Variants in PTPRF observed in about 807,000 individuals in gnomAD.
The protein encoded by PTPRF is protein tyrosine phosphatase receptor type F.
In PTPRF, 59 loss-of-function variants were observed where a neutral mutation model predicts 201.8. The ratio of observed to expected loss-of-function variants is 0.29; its 90% CI spans 0.24 to 0.36. The LOEUF is 0.36. PTPRF is among the 10% of genes least tolerant of loss of function. PTPRF has a pLI of 1.00. For synonymous variants in PTPRF, 1,088 were observed against 1,089.7 expected, an observed-to-expected ratio of 1.00 and a Z score of 0.03; for missense variants, 2,132 against 2,690.5, an observed-to-expected ratio of 0.79 and a Z score of 4.59.
chr1:43,572,393 GC>G (rs1646635124), intron 6 of PTPRF, among the ~76,000 whole-genome samples: 1 of 152,180 alleles, frequency 6.6e-6, no homozygotes, highest in African/African-American at 2.4e-5. Flanking sequence ...TTGTCTTCCT[GC>G]CACCTGGAAG....
intron 13 of PTPRF, among the ~76,000 whole-genome samples, chr1:43,599,199 C>A (rs1183410894): frequency 6.6e-6 from 1 of 152,130 alleles, no homozygotes; most frequent in African/African-American, 2.4e-5. Flanking sequence ...CCTCAGCCTC[C>A]CGAGTAGCTG....
chr1:43,618,849 T>C, intron 26 of PTPRF, 100 bp downstream of exon 26: 1 of 1,524,254 alleles, frequency 6.6e-7, no homozygotes. Flanking sequence ...GCCTGGGTGT[T>C]GGAGGGTCGG....
intron 3 of PTPRF, among the ~76,000 whole-genome samples, chr1:43,548,125 G>A (rs1413294895): frequency 6.9e-6 from 1 of 145,314 alleles, no homozygotes; most frequent in Non-Finnish European, 1.5e-5. Context: ...CTAATGGGGG[G>A]GTATTGCATA....
chr1:43,540,935 C>T (rs1008772992), intron 2 of PTPRF, among the ~76,000 whole-genome samples: 1 of 152,262 alleles, frequency 6.6e-6, no homozygotes, highest in African/African-American at 2.4e-5. Flanking sequence ...TATAACAAGG[C>T]CTGTTTCCGC....
chr1:43,603,415 G>A lies in PTPRF; in HGVS notation c.2341-1G>A, dbSNP rs112361041. 1 of 1,613,726 alleles carries A rather than the reference G, an allele frequency of 6.2e-7. No homozygotes were observed. Among genetic ancestry groups the A allele is most frequent in the African/African-American group, 1.3e-5 (1 of 75,006 alleles). ...GGAACGAACCCCTCCTCCTCCCTCA[G>A]GAAACCACTATCAGCGGCCTGACCC... On this transcript the variant is annotated splice_acceptor_variant, in intron 14 of 33. Transcript: ENST00000359947. LOFTEE classifies it high-confidence loss of function. This position sits in a 1 kb window ranked among gnomAD's most constrained non-coding sequence, Gnocchi z 5.8.
intron 8 of PTPRF, among the ~76,000 whole-genome samples, chr1:43,589,274 C>G (rs550471106): frequency 2.6e-5 from 4 of 151,754 alleles, no homozygotes; most frequent in Middle Eastern, 3.2e-3. Context: ...TCTGTTTTAC[C>G]CTGGGAGATA....
At chr1:43,577,638 G>T (rs1213392571) in intron 6 of PTPRF, among the ~76,000 whole-genome samples, 4 of 152,098 alleles carry the variant, frequency 2.6e-5, no homozygotes, top group African/African-American at 9.7e-5. Flanking sequence ...CTCCTGTCCA[G>T]TCCAGGCAGG....
rs528655646 is a variant in PTPRF at position 43,588,499 on chromosome 1, T to C, written c.680-232T>C. Among the ~76,000 whole-genome samples, 1 of 152,298 alleles carries C rather than the reference T, an allele frequency of 6.6e-6. No individual in the cohort carries two copies. Among genetic ancestry groups the C allele is most frequent in the South Asian group, 2.1e-4 (1 of 4,828 alleles). On this transcript the variant is annotated intron_variant, in intron 7 of 33. Coordinates refer to ENST00000359947, the MANE Select transcript of PTPRF (RefSeq NM_002840.5). This position sits in a 1 kb window ranked among gnomAD's most constrained non-coding sequence, Gnocchi z 5.3. Reference sequence around the variant, plus strand: ...GGGAGCTTGGTTGCAAGATCTCTCATTGAGTAAGTCATCGTGCTCCAGACA... The same window carrying C: ...GGGAGCTTGGTTGCAAGATCTCTCACTGAGTAAGTCATCGTGCTCCAGACA...
intron 3 of PTPRF, among the ~76,000 whole-genome samples, chr1:43,549,689 AC>A (rs1270184890): frequency 6.6e-5 from 10 of 152,094 alleles, no homozygotes; most frequent in African/African-American, 2.4e-4. Flanking sequence ...CCCTGTCTTT[AC>A]CAAAAATACA....
chr1:43,530,424 TAA>T (rs1643335839), upstream of PTPRF, among the ~76,000 whole-genome samples: 1 of 151,990 alleles, frequency 6.6e-6, no homozygotes, highest in African/African-American at 2.4e-5. The surrounding 1 kb of genome is among the most constrained non-coding windows in gnomAD (Gnocchi z 4.1). Context: ...GTAGAAGTAA[TAA>T]AGAGATTTAG....
intron 7 of PTPRF, among the ~76,000 whole-genome samples, chr1:43,586,298 G>A (rs955065124): frequency 4.6e-5 from 7 of 152,146 alleles, no homozygotes; most frequent in Admixed American, 1.3e-4. Flanking sequence ...CCCCCACCCC[G>A]CTTCTGTGGC....
intron 1 of PTPRF, among the ~76,000 whole-genome samples, chr1:43,534,634 G>T (rs1256204338): frequency 1.3e-5 from 2 of 152,090 alleles, no homozygotes; most frequent in African/African-American, 2.4e-5. Context: ...TGGACATGTG[G>T]CCCTTGAGGT....
At chr1:43,595,789 C>T (rs1416859943) in intron 11 of PTPRF, among the ~76,000 whole-genome samples, 1 of 152,040 alleles carries the variant, frequency 6.6e-6, no homozygotes, top group Non-Finnish European at 1.5e-5. Flanking sequence ...GCTGTGAAAG[C>T]CTGGTCTTCT....
rs1180934584 is a variant in PTPRF, at chr1:43,537,526, G to T, written c.-125-672G>T. Among the ~76,000 whole-genome samples the T allele has an allele frequency of 6.6e-6, 1 of 152,208 alleles. No individual in the cohort carries two copies. The highest frequency in any genetic ancestry group is 1.5e-5 in the Non-Finnish European group (1 of 68,048). ...CGCTGGGGATACGGAAATGAGCTGG[G>T]CAGCCACAGTCCATGCTCCTATCAA... On this transcript the variant is annotated intron_variant, in intron 1 of 33. Transcript: ENST00000359947. The surrounding 1 kb of genome is among the most constrained non-coding windows in gnomAD (Gnocchi z 4.8).
rs930193738 is a variant in PTPRF, at chr1:43,603,108, T to A, written c.2341-308T>A. Among the ~76,000 whole-genome samples the A allele has an allele frequency of 1.3e-5, 2 of 152,170 alleles. No individual in the cohort carries two copies. The highest frequency in any genetic ancestry group is 2.9e-5 in the Non-Finnish European group (2 of 68,002). On this transcript the variant is annotated intron_variant, in intron 14 of 33. Transcript: ENST00000359947. The surrounding 1 kb of genome is among the most constrained non-coding windows in gnomAD (Gnocchi z 5.8). ...CGTGCGAGGCTGTGCCCTGTTGATA[T>A]CCTCAGTCTCCGTTCACAGCACAGT...
chr1:43,554,742 CG>C lies in PTPRF; in HGVS notation c.379+806del, dbSNP rs559300285. On this transcript the variant is annotated intron_variant, in intron 5 of 33. Coordinates refer to ENST00000359947, the MANE Select transcript of PTPRF (RefSeq NM_002840.5). This position sits in a 1 kb window ranked among gnomAD's most constrained non-coding sequence, Gnocchi z 4.1. Reference sequence around the variant, plus strand: ...GGGACATAGGAAGCCACAAACAAGGCGGGGGTGACATGATCAGACCCCAGCC... The same window carrying C: ...GGGACATAGGAAGCCACAAACAAGGCGGGGTGACATGATCAGACCCCAGCC... Among the ~76,000 whole-genome samples the C allele has an allele frequency of 2.0e-5, 3 of 152,202 alleles. No individual in the cohort carries two copies. Among genetic ancestry groups the C allele is most frequent in the African/African-American group, 7.2e-5 (3 of 41,520 alleles).
rs767714096 is a variant in PTPRF at position 43,619,348 on chromosome 1, G to A, written c.4707G>A (p.Lys1569=). The change falls in exon 28 of 34, where the codon AAG becomes AAA. Residue 1569 remains lysine (K), a synonymous_variant. Coordinates refer to ENST00000359947, the MANE Select transcript of PTPRF (RefSeq NM_002840.5). ...IVIDAMLERM[K]HEKTVDIYGH... is the part of the protein sequence containing the mutation. ...TTGATGCCATGTTGGAGCGGATGAA[G>A]CACGAGAAGACGGTGGACATCTATG... is the stretch of plus-strand genomic sequence containing the variant. 1.2e-6 allele frequency: 2 copies of A among 1,613,994 alleles called. No individual in the cohort carries two copies. Among genetic ancestry groups the A allele is most frequent in the Non-Finnish European group, 8.5e-7 (1 of 1,180,034 alleles).
At chr1:43,569,141 C>T (rs985363679) in intron 5 of PTPRF, among the ~76,000 whole-genome samples, 12 of 152,074 alleles carry the variant, frequency 7.9e-5, no homozygotes, top group South Asian at 2.1e-4. Context: ...TGTGTGCGGA[C>T]AGGGGAGAGG....
chr1:43,621,344 A>G, intron 33 of PTPRF, 112 bp downstream of exon 33: 2 of 1,401,240 alleles, frequency 1.4e-6, no homozygotes, highest in Middle Eastern at 2.3e-4. Context: ...CATGCTGCCA[A>G]CCTTTCACGT....
Sources: gnomAD v4.1 joint callset for allele counts (sites outside exome capture counted in the v4.1 genomes callset) on GRCh38, gnomAD v4.1.1 for gene constraint, Gnocchi (gnomAD v3.1) non-coding constraint, MANE v1.5 for transcripts, NCBI Gene and HGNC (gene_info 2026-07-23, HGNC 2026-07-21) for gene names.